UNC13A: variants seen among roughly 807,000 people sequenced by gnomAD.
UNC13A encodes the protein unc-13 homolog A.
UNC13A carries 61 observed loss-of-function variants against 219.7 expected under a neutral mutation model. The ratio of observed to expected loss-of-function variants is 0.28; its 90% CI spans 0.23 to 0.34. The LOEUF is 0.34. UNC13A is among the 10% of genes least tolerant of loss of function. UNC13A has a pLI of 1.00. For synonymous variants in UNC13A, 920 were observed against 884.6 expected, an observed-to-expected ratio of 1.04 and a Z score of -0.71; for missense variants, 1,476 against 2,270.3, an observed-to-expected ratio of 0.65 and a Z score of 7.11.
In UNC13A at chr19:17,646,122, C is replaced by T; in HGVS notation, c.2045-11G>A. 1 of 1,613,244 alleles carries T rather than the reference C, an allele frequency of 6.2e-7. No homozygotes were observed. The highest frequency in any genetic ancestry group is 1.1e-5 in the South Asian group (1 of 91,052). ...CCTGGGCGCAGACCACTGGAAGACA[C>T]AGAGGGCATACACAGGTGTGCACTC... On this transcript the variant is annotated splice_polypyrimidine_tract_variant and intron_variant, in intron 17 of 43. Coordinates refer to ENST00000519716, the MANE Select transcript of UNC13A (RefSeq NM_001080421.3).
chr19:17,688,238 G>GGCGTGAGCCAAGC lies in UNC13A; in HGVS notation c.-40_-39insGCTTGGCTCACGC. The GGCGTGAGCCAAGC allele has an allele frequency of 6.8e-7, 1 of 1,464,538 alleles. No homozygotes were observed. The highest frequency in any genetic ancestry group is 1.4e-5 in the South Asian group (1 of 73,688). 90.7% of individuals were successfully genotyped at this position (1,464,538 alleles called of 1,614,324 possible). ...CAGGTGGGCCGGAGGCGGCCGGGCC[G>GGCGTGAGCCAAGC]GCTCTGTCGGGTCGGGCTCAGCGGC... On this transcript the variant is annotated 5_prime_UTR_variant, in exon 1 of 44. Coordinates refer to ENST00000519716, the MANE Select transcript of UNC13A (RefSeq NM_001080421.3).
intron 7 of UNC13A, among the ~76,000 whole-genome samples, chr19:17,664,627 C>T (rs1213012868): frequency 6.6e-6 from 1 of 152,200 alleles, no homozygotes; most frequent in African/African-American, 2.4e-5. Context: ...CCTGCCTCCA[C>T]TCTGCCTGGC....
Position 17,656,277 on chromosome 19 carries a change from C to G in UNC13A, c.889G>C (p.Asp297His). The change falls in exon 10 of 44, where the codon GAC (aspartate) becomes CAC (histidine). Residue 297 changes from aspartate to histidine, a missense_variant. Coordinates refer to ENST00000519716, the MANE Select transcript of UNC13A (RefSeq NM_001080421.3). Reference protein sequence around the residue: ...LQGSDMEDERDRDSYHSCHSS... With the variant: ...LQGSDMEDERHRDSYHSCHSS... ...TGGCAGGAGTGGTAGGAGTCCCGGT[C>G]CCGCTCATCCTCCATGTCGGAGCCC... is the stretch of plus-strand genomic sequence containing the variant. 1 of 1,552,056 alleles carries G rather than the reference C, an allele frequency of 6.4e-7. No homozygotes were observed.
Position 17,627,960 on chromosome 19 carries a change from G to C in UNC13A, c.3754-20C>G. On this transcript the variant is annotated intron_variant, in intron 31 of 43. Coordinates refer to ENST00000519716, the MANE Select transcript of UNC13A (RefSeq NM_001080421.3). This position sits in a 1 kb window ranked among gnomAD's most constrained non-coding sequence, Gnocchi z 4.7. ...GCAGGGCTGTGGGTGGGAACAGAGA[G>C]GGGAGTCAAGCCTCAGGACCTCTCC... 1 of 1,576,276 alleles carries C rather than the reference G, an allele frequency of 6.3e-7. No individual in the cohort carries two copies. The highest frequency in any genetic ancestry group is 8.6e-7 in the Non-Finnish European group (1 of 1,158,150).
chr19:17,639,275 G>T (rs2076942661), intron 24 of UNC13A, 58 bp from the exon 25 acceptor site: 1 of 1,607,142 alleles, frequency 6.2e-7, no homozygotes, highest in East Asian at 2.2e-5. Context: ...TCCCCAGGAA[G>T]TGACTGCGAG....
chr19:17,636,273 G>A (rs1342640927), intron 25 of UNC13A, 116 bp from the exon 26 acceptor site: 2 of 1,260,240 alleles, frequency 1.6e-6, no homozygotes, highest in African/African-American at 1.5e-5. Flanking sequence ...CATGTGTATG[G>A]TTCAGGTAAG....
rs147827297 is a variant in UNC13A, at chr19:17,680,466, G to C, written c.23-4425C>G. Among the ~76,000 whole-genome samples the C allele has an allele frequency of 9.9e-3, 1,506 of 152,354 alleles. 22 individuals carry two copies. Among genetic ancestry groups the C allele is most frequent in the Middle Eastern group, 0.027 (8 of 294 alleles). ...GGTGCCCACTGCTGTCCCCAGCGAC[G>C]AGCGGGTGAAGACACCGCGTCATGC... is the stretch of plus-strand genomic sequence containing the variant. On this transcript the variant is annotated intron_variant, in intron 1 of 43. Coordinates refer to ENST00000519716, the MANE Select transcript of UNC13A (RefSeq NM_001080421.3).
At chr19:17,650,097 C>T (rs879875819) in intron 12 of UNC13A, among the ~76,000 whole-genome samples, 11 of 152,148 alleles carry the variant, frequency 7.2e-5, no homozygotes, top group Admixed American at 7.2e-4. Flanking sequence ...TACTTTGTGA[C>T]AGCAGTCCTA....
chr19:17,606,090 G>A lies in UNC13A; in HGVS notation c.5076C>T (p.Arg1692=), dbSNP rs1225593142. ...GCGCGGCACCGCCCTCCTCGGCGGA[G>A]CGCGTGTCCGACTTGAGCTTCACGA... ...KEFVKLKSDT[R]SAEEGGAAPA... The change falls in exon 44 of 44, where the codon CGC becomes CGT. Residue 1692 remains arginine (R), a synonymous_variant. Transcript: ENST00000519716. The A allele has an allele frequency of 6.3e-7, 1 of 1,590,962 alleles. No individual in the cohort carries two copies.
chr19:17,619,749 G>A (rs1382910516), intron 38 of UNC13A, among the ~76,000 whole-genome samples: 1 of 151,984 alleles, frequency 6.6e-6, no homozygotes, highest in Non-Finnish European at 1.5e-5. Flanking sequence ...CCTTTTAAAG[G>A]AAAAATCCTC....
intron 43 of UNC13A, 46 bp from the exon 44 acceptor site, chr19:17,606,400 A>T: frequency 1.3e-6 from 2 of 1,527,804 alleles, no homozygotes; most frequent in Non-Finnish European, 1.8e-6. Flanking sequence ...ACCTACTGTG[A>T]TGCCCCGCCC....
chr19:17,608,458 A>T (rs1045902807), intron 43 of UNC13A, among the ~76,000 whole-genome samples: 1 of 139,722 alleles, frequency 7.2e-6, no homozygotes, highest in Non-Finnish European at 1.5e-5. Flanking sequence ...ATATAATATA[A>T]TATAAATACA....
intron 8 of UNC13A, among the ~76,000 whole-genome samples, chr19:17,660,144 C>G (rs756765610): frequency 6.6e-6 from 1 of 152,152 alleles, no homozygotes; most frequent in Non-Finnish European, 1.5e-5. Flanking sequence ...TCAAGCGATC[C>G]TCCCGCCTCA....
chr19:17,657,519 G>C (rs2079479004), intron 9 of UNC13A, among the ~76,000 whole-genome samples: 1 of 152,160 alleles, frequency 6.6e-6, no homozygotes, highest in Non-Finnish European at 1.5e-5. Context: ...GGACATAGGG[G>C]CCACCACTCA....
chr19:17,619,167 C>G, intron 38 of UNC13A: 1 of 578,490 alleles, frequency 1.7e-6, no homozygotes, highest in South Asian at 2.2e-5. Context: ...AGGATAGTCC[C>G]CCACCCTCTC....
At chr19:17,672,725 C>T (rs1409456157) in intron 3 of UNC13A, among the ~76,000 whole-genome samples, 4 of 152,076 alleles carry the variant, frequency 2.6e-5, no homozygotes, top group East Asian at 1.9e-4. Flanking sequence ...GATTCAAAGC[C>T]GGGAAGGATG....
Position 17,626,786 on chromosome 19 carries a change from C to G in UNC13A, c.3921-1G>C, listed in dbSNP as rs1320232044. 1 of 1,609,230 alleles carries G rather than the reference C, an allele frequency of 6.2e-7. No homozygotes were observed. Among genetic ancestry groups the G allele is most frequent in the African/African-American group, 1.3e-5 (1 of 74,826 alleles). ...ACACTCTTCAATGTGCGGCTGGAAG[C>G]TGGGGACACAGAAGGGAAGGGCTCA... On this transcript the variant is annotated splice_acceptor_variant, in intron 33 of 43. Transcript: ENST00000519716. LOFTEE classifies it high-confidence loss of function.
At chr19:17,683,573 G>A (rs766442259) in intron 1 of UNC13A, among the ~76,000 whole-genome samples, 132 of 150,742 alleles carry the variant, frequency 8.8e-4, no homozygotes, top group African/African-American at 3.0e-3. Flanking sequence ...CAGGAAAATC[G>A]CTTGAACTTG....
In UNC13A at chr19:17,672,430, G is replaced by C. The variant is rs777799611; in HGVS notation, c.218C>G (p.Thr73Arg). The C allele has an allele frequency of 2.5e-6, 4 of 1,613,834 alleles. No individual in the cohort carries two copies. The South Asian group carries it at 4.4e-5, about 18-fold the overall frequency. ...EVWNKGLIWD[T>R]MVGTVWIPLR... is the part of the protein sequence containing the mutation. ...TGGGATCCACACAGTGCCCACCATT[G>C]TGTCCCAGATGAGACCCTTATTCCA... Residue 73 changes from threonine (T) to arginine (R), a missense_variant, in exon 4 of 44, where the codon ACA becomes AGA. This residue lies in a region of UNC13A where 203 missense variants were observed against 301.6 expected (regional missense o/e 0.67). Transcript: ENST00000519716.
Sources: gnomAD v4.1 joint callset for allele counts (sites outside exome capture counted in the v4.1 genomes callset) on GRCh38, gnomAD v4.1.1 for gene constraint, gnomAD v4.1.1 regional missense constraint, Gnocchi (gnomAD v3.1) non-coding constraint, MANE v1.5 for transcripts, NCBI Gene and HGNC (gene_info 2026-07-23, HGNC 2026-07-21) for gene names.